The following SGMS1 variants were observed in gnomAD, a reference collection of about 807,000 sequenced individuals.
SGMS1 encodes phosphatidylcholine:ceramide cholinephosphotransferase 1.
SGMS1 carries 13 observed loss-of-function variants against 46.2 expected under a neutral mutation model. That is an observed-to-expected ratio of 0.28 (90% confidence interval 0.18 to 0.45). The LOEUF is 0.45. SGMS1 is among the 20% of genes least tolerant of loss of function. SGMS1 has a pLI of 1.00. For synonymous variants in SGMS1, 203 were observed against 187.8 expected (o/e 1.08, Z -0.66); for missense variants, 324 against 519.9 (o/e 0.62, Z 3.66).
chr10:50,568,665 C>G (rs1838310843), intron 2 of SGMS1, among the ~76,000 whole-genome samples: 1 of 151,556 alleles, frequency 6.6e-6, no homozygotes, highest in Non-Finnish European at 1.5e-5. Context: ...ACAGTGAGAC[C>G]CCATATCAAA....
chr10:50,469,321 C>T (rs924132467), intron 3 of SGMS1, among the ~76,000 whole-genome samples: 1 of 152,150 alleles, frequency 6.6e-6, no homozygotes, highest in African/African-American at 2.4e-5. Flanking sequence ...AGTATTCTGT[C>T]AGTGAGTGGC....
rs533857085 is a variant in SGMS1, at chr10:50,531,450, A to G, written c.-588-11529T>C. Among the ~76,000 whole-genome samples the G allele has an allele frequency of 6.6e-5, 10 of 152,238 alleles. No homozygotes were observed. In the East Asian group the frequency reaches 1.5e-3, roughly 23 times the overall value. On this transcript the variant is annotated intron_variant, in intron 2 of 10. Coordinates refer to ENST00000361781, the MANE Select transcript of SGMS1 (RefSeq NM_147156.4). ...AGTGACTTAGAGCATACTGTTCAAT[A>G]AACGTGATACACGTGTTTGGTACAT...
intron 2 of SGMS1, among the ~76,000 whole-genome samples, chr10:50,527,198 G>A (rs2339508): frequency 6.6e-6 from 1 of 152,046 alleles, no homozygotes; most frequent in Non-Finnish European, 1.5e-5. Context: ...GCATGGAGCA[G>A]TGGGGTAGGC....
At chr10:50,587,306 T>A (rs1363790887) in intron 2 of SGMS1, among the ~76,000 whole-genome samples, 1 of 151,760 alleles carries the variant, frequency 6.6e-6, no homozygotes, top group Non-Finnish European at 1.5e-5. Flanking sequence ...GAAAAAAAAA[T>A]TAAGGAAATA....
chr10:50,505,103 C>G (rs1374116991), intron 3 of SGMS1, among the ~76,000 whole-genome samples: 1 of 152,112 alleles, frequency 6.6e-6, no homozygotes, highest in African/African-American at 2.4e-5. Flanking sequence ...GTAGTCCCAG[C>G]TACTTGGGAG....
rs58641986 is a variant in SGMS1 at position 50,476,097 on chromosome 10, C to CAAAAAAAAAA, written c.-497-9175_-497-9166dup. On this transcript the variant is annotated intron_variant, in intron 3 of 10. Coordinates refer to ENST00000361781, the MANE Select transcript of SGMS1 (RefSeq NM_147156.4). The stretch of plus-strand genomic sequence containing the variant: ...TAAAATCTTGTCTTTACTAAAAATA[C>CAAAAAAAAAA]AAAAAAAAAAAAAAAAAAAAAAAAA... 6.7e-4 allele frequency among the ~76,000 whole-genome samples: 29 copies of CAAAAAAAAAA among 43,322 alleles called. 4 individuals are homozygous for CAAAAAAAAAA. The highest frequency in any genetic ancestry group is 9.9e-4 in the Non-Finnish European group (24 of 24,270). 28.4% of individuals were successfully genotyped at this position (43,322 alleles called of 152,430 possible).
chr10:50,322,104 T>C lies in SGMS1; in HGVS notation c.741+5101A>G, dbSNP rs77697970. The stretch of plus-strand genomic sequence containing the variant: ...TCCAAAAATGGGCTGTGTTCACTTA[T>C]GTCAGAGGCAAAAATTAAAACAAAA... On this transcript the variant is annotated intron_variant, in intron 8 of 10. Transcript: ENST00000361781. Among the ~76,000 whole-genome samples, 32 of 152,294 alleles carry C rather than the reference T, an allele frequency of 2.1e-4. No homozygotes were observed. The East Asian group carries it at 6.2e-3, about 29-fold the overall frequency.
intron 3 of SGMS1, among the ~76,000 whole-genome samples, chr10:50,489,165 T>C (rs923537885): frequency 6.6e-6 from 1 of 152,250 alleles, no homozygotes; most frequent in Non-Finnish European, 1.5e-5. Context: ...CATTTAATTA[T>C]TGAAGTGGGC....
rs1418433884 is a variant in SGMS1, at chr10:50,498,851, TG to T, written c.-498+20979del. On this transcript the variant is annotated intron_variant, in intron 3 of 10. Coordinates refer to ENST00000361781, the MANE Select transcript of SGMS1 (RefSeq NM_147156.4). ...CCAGAAGTGGAATTGCTGGATTATA[TG>T]GTAGTTCTATTTTTAATTTTTTTCA... Among the ~76,000 whole-genome samples, 4 of 152,218 alleles carry T rather than the reference TG, an allele frequency of 2.6e-5. No individual in the cohort carries two copies. In the East Asian group the frequency reaches 5.8e-4, roughly 22 times the overall value.
chr10:50,372,706 AAACACACAC>A lies in SGMS1; in HGVS notation c.-231-28370_-231-28362del, dbSNP rs1848459553. Among the ~76,000 whole-genome samples the A allele has an allele frequency of 1.2e-4, 19 of 152,122 alleles. No homozygotes were observed. The South Asian group carries it at 3.9e-3, about 32-fold the overall frequency. ...AGACTCTGTCTCAAAAAAAAACAAA[AAACACACAC>A]AGCTAAGATTTTTACATGGGAAAGT... is the stretch of plus-strand genomic sequence containing the variant. On this transcript the variant is annotated intron_variant, in intron 6 of 10. Transcript: ENST00000361781.
intron 2 of SGMS1, among the ~76,000 whole-genome samples, chr10:50,583,770 C>T (rs72803731): frequency 0.017 from 2,562 of 152,300 alleles, 27 homozygotes; most frequent in Non-Finnish European, 0.028. Context: ...GCAACCAAGG[C>T]ACTCTGTTCT....
chr10:50,385,181 T>C (rs1372039254), intron 6 of SGMS1, among the ~76,000 whole-genome samples: 1 of 152,218 alleles, frequency 6.6e-6, no homozygotes, highest in East Asian at 1.9e-4. Flanking sequence ...TCCACTCTGA[T>C]CATATCAAAG....
chr10:50,343,175 T>G (rs1358157785), intron 7 of SGMS1: 3 of 200,646 alleles, frequency 1.5e-5, no homozygotes, highest in Non-Finnish European at 3.0e-5. Flanking sequence ...GACTAGGTGG[T>G]TGATCTGTTG....
At chr10:50,332,595 T>C (rs1847643663) in intron 7 of SGMS1, among the ~76,000 whole-genome samples, 2 of 145,974 alleles carry the variant, frequency 1.4e-5, no homozygotes, top group African/African-American at 5.0e-5. Context: ...CAACATGACA[T>C]CTCCTTTTTT....
intron 6 of SGMS1, among the ~76,000 whole-genome samples, chr10:50,419,509 T>C (rs1035813177): frequency 1.3e-5 from 2 of 152,076 alleles, no homozygotes; most frequent in African/African-American, 2.4e-5. Flanking sequence ...AGGCTTAAAA[T>C]TGGAATGATT....
chr10:50,550,147 A>G (rs1030825987), intron 2 of SGMS1, among the ~76,000 whole-genome samples: 3 of 152,256 alleles, frequency 2.0e-5, no homozygotes, highest in Non-Finnish European at 4.4e-5. Context: ...TGCACACATT[A>G]GTAAATACAA....
intron 7 of SGMS1, among the ~76,000 whole-genome samples, chr10:50,330,443 C>T (rs111735918): frequency 1.6e-4 from 24 of 152,206 alleles, no homozygotes; most frequent in African/African-American, 5.1e-4. Flanking sequence ...TATGACTGTG[C>T]CACTGCACTC....
intron 2 of SGMS1, among the ~76,000 whole-genome samples, chr10:50,586,690 A>T (rs1351656896): frequency 6.6e-6 from 1 of 152,224 alleles, no homozygotes; most frequent in African/African-American, 2.4e-5. Flanking sequence ...GAGCAGCAGG[A>T]ATCAGCACAG....
chr10:50,365,189 A>G lies in SGMS1; in HGVS notation c.-231-20844T>C, dbSNP rs1848313487. 2.2e-5 allele frequency among the ~76,000 whole-genome samples: 3 copies of G among 138,984 alleles called. 1 individual carries two copies. The highest frequency in any genetic ancestry group is 4.6e-5 in the Non-Finnish European group (3 of 65,602). The allele number at this position is 138,984 out of a possible 152,430, so 91.2% of individuals were successfully genotyped here. ...AATCTCTTGAACCCGGGAGGTGGAGATTGCAGTGAGCCGAGGTCGTGCTAC... is the reference window on the plus strand; with the variant it reads ...AATCTCTTGAACCCGGGAGGTGGAGGTTGCAGTGAGCCGAGGTCGTGCTAC... On this transcript the variant is annotated intron_variant, in intron 6 of 10. Coordinates refer to ENST00000361781, the MANE Select transcript of SGMS1 (RefSeq NM_147156.4).
Sources: allele counts gnomAD v4.1 joint callset (sites outside exome capture counted in the v4.1 genomes callset), GRCh38; gene constraint gnomAD v4.1.1; transcripts MANE v1.5; gene names NCBI Gene and HGNC (gene_info 2026-07-23, HGNC 2026-07-21).